The following CEP85L variants were observed in gnomAD, a reference collection of about 807,000 sequenced individuals.
CEP85L encodes the protein centrosomal protein 85L, also known as centrosomal protein of 85 kDa-like.
In CEP85L, 60 loss-of-function variants were observed where a neutral mutation model predicts 100.3. That is an observed-to-expected ratio of 0.60 (90% CI 0.49 to 0.74). The LOEUF (loss-of-function observed/expected upper bound fraction) is 0.74, where lower values mean the gene tolerates loss of function less well. CEP85L is among the 30% of genes least tolerant of loss of function. CEP85L has a pLI of 0.00. For synonymous variants in CEP85L, 319 were observed against 322.7 expected (o/e 0.99, Z 0.12); for missense variants, 973 against 936.2 (o/e 1.04, Z -0.51).
intron 1 of CEP85L, among the ~76,000 whole-genome samples, chr6:118,644,128 T>C (rs1475107628): frequency 1.3e-5 from 2 of 152,194 alleles, no homozygotes; most frequent in Non-Finnish European, 2.9e-5. Context: ...TATTTTTAAG[T>C]ATCTCACTGA....
intron 1 of CEP85L, among the ~76,000 whole-genome samples, chr6:118,660,849 CACTT>C (rs767710256): frequency 3.3e-5 from 5 of 151,958 alleles, no homozygotes; most frequent in Non-Finnish European, 7.4e-5. Context: ...AGGAGACTGT[CACTT>C]AATGTGAAAG....
At chr6:118,681,384 G>C (rs773185060) in intron 1 of CEP85L, among the ~76,000 whole-genome samples, 27 of 152,190 alleles carry the variant, frequency 1.8e-4, no homozygotes, top group Middle Eastern at 3.4e-3. Context: ...ACTAGAGAGA[G>C]AGATGTAATT....
intron 3 of CEP85L, among the ~76,000 whole-genome samples, chr6:118,540,830 C>A (rs1562243553): frequency 6.6e-6 from 1 of 152,214 alleles, no homozygotes; most frequent in South Asian, 2.1e-4. Context: ...AGCCTCATTT[C>A]AGTCAGACCT....
At chr6:118,691,616 G>A (rs1777048537) in intron 1 of CEP85L, among the ~76,000 whole-genome samples, 1 of 150,738 alleles carries the variant, frequency 6.6e-6, no homozygotes, top group Non-Finnish European at 1.5e-5. Context: ...GCAGGCGCCT[G>A]TAATCCCAGC....
At chr6:118,707,981 C>CGG (rs574826062) in intron 1 of CEP85L, among the ~76,000 whole-genome samples, 1 of 29,720 alleles carries the variant, frequency 3.4e-5, no homozygotes, top group African/African-American at 9.1e-5. Context: ...GGGGGGGGGA[C>CGG]GGGGGGGAAA....
In CEP85L at chr6:118,470,524, T is replaced by G. The variant is rs757115287; in HGVS notation, c.2022+13A>C. On this transcript the variant is annotated intron_variant, in intron 11 of 12. Transcript: ENST00000368491. ...TCATCCTTTCAAAGCAAAATTGAAT[T>G]TCTTCTACTCACTTCAAGCAATGCT... 4 of 1,486,108 alleles carry G rather than the reference T, an allele frequency of 2.7e-6. No individual in the cohort carries two copies. Among genetic ancestry groups the G allele is most frequent in the Non-Finnish European group, 3.6e-6 (4 of 1,097,018 alleles). The allele number at this position is 1,486,108 out of a possible 1,614,324, so 92.1% of individuals were successfully genotyped here. A position where few individuals can be genotyped will look rare whatever the true frequency, so the allele number is the denominator to read the frequency against.
At chr6:118,664,163 T>C (rs1776062938) in intron 1 of CEP85L, among the ~76,000 whole-genome samples, 1 of 152,130 alleles carries the variant, frequency 6.6e-6, no homozygotes, top group Non-Finnish European at 1.5e-5. Context: ...CCCAAAGTCC[T>C]GAGATCATGG....
intron 1 of CEP85L, among the ~76,000 whole-genome samples, chr6:118,669,834 T>TA (rs1249467468): frequency 2.0e-5 from 3 of 151,550 alleles, no homozygotes; most frequent in Non-Finnish European, 2.9e-5. Flanking sequence ...AAGTTAGAGT[T>TA]ACAACCATTT....
chr6:118,532,414 T>C (rs968081651), intron 3 of CEP85L, among the ~76,000 whole-genome samples: 1 of 152,150 alleles, frequency 6.6e-6, no homozygotes. Flanking sequence ...TTAGGTGCTA[T>C]GCTTGCTGCC....
intron 1 of CEP85L, among the ~76,000 whole-genome samples, chr6:118,644,949 T>C (rs1445360249): frequency 6.6e-6 from 1 of 152,142 alleles, no homozygotes; most frequent in Non-Finnish European, 1.5e-5. Flanking sequence ...CCCCAATACA[T>C]GGGAACAGTA....
At position 118,497,430 on chromosome 6, in the gene CEP85L, C is replaced by A. The variant is rs76617607; in HGVS notation, c.1258-5565G>T. Among the ~76,000 whole-genome samples, 140 of 152,252 alleles carry A rather than the reference C, an allele frequency of 9.2e-4. No homozygotes were observed. In the East Asian group the frequency reaches 0.025, roughly 27 times the overall value. ...GATGAGACCGTCTAGTTGTGGAAAA[C>A]AAGCTCCGGGCTCCCACTGATTCTA... On this transcript the variant is annotated intron_variant, in intron 5 of 12. Transcript: ENST00000368491.
At chr6:118,581,793 T>C (rs1319323500) in intron 2 of CEP85L, among the ~76,000 whole-genome samples, 1 of 152,140 alleles carries the variant, frequency 6.6e-6, no homozygotes, top group Non-Finnish European at 1.5e-5. Flanking sequence ...TGGGACTCCT[T>C]CAACCCTGAG....
At chr6:118,555,981 T>C (rs907832166) in intron 3 of CEP85L, among the ~76,000 whole-genome samples, 1 of 152,244 alleles carries the variant, frequency 6.6e-6, no homozygotes, top group Non-Finnish European at 1.5e-5. Context: ...AGACATGATA[T>C]CATTCTTTTT....
At chr6:118,466,994 C>T (rs925800054) in intron 12 of CEP85L, among the ~76,000 whole-genome samples, 2 of 151,932 alleles carry the variant, frequency 1.3e-5, no homozygotes, top group African/African-American at 2.4e-5. Flanking sequence ...TGGGCACAGG[C>T]GCCAGATGAA....
intron 3 of CEP85L, among the ~76,000 whole-genome samples, chr6:118,542,816 TA>T (rs1363838211): frequency 1.4e-5 from 2 of 138,154 alleles, no homozygotes. Context: ...GGCTGAGTCT[TA>T]ACAGACCAGA....
intron 3 of CEP85L, among the ~76,000 whole-genome samples, chr6:118,547,794 CACAAGA>C (rs563467771): frequency 2.1e-3 from 315 of 152,096 alleles, no homozygotes; most frequent in African/African-American, 7.3e-3. Flanking sequence ...CTCCCATACA[CACAAGA>C]ACAAGAACAA....
intron 2 of CEP85L, among the ~76,000 whole-genome samples, chr6:118,587,184 G>A (rs1402064333): frequency 1.3e-5 from 2 of 152,166 alleles, no homozygotes; most frequent in Non-Finnish European, 2.9e-5. Context: ...GATTCCCTTT[G>A]TTGGCTTTAC....
intron 1 of CEP85L, among the ~76,000 whole-genome samples, chr6:118,665,034 C>A (rs1032130607): frequency 3.3e-5 from 5 of 152,138 alleles, no homozygotes; most frequent in African/African-American, 1.2e-4. Flanking sequence ...CCTCCAGAAA[C>A]GTAGCCCTAG....
At chr6:118,626,254 TTA>T (rs760806449) in intron 2 of CEP85L, among the ~76,000 whole-genome samples, 15 of 152,220 alleles carry the variant, frequency 9.9e-5, no homozygotes, top group Non-Finnish European at 2.1e-4. Context: ...CAGGATTTGC[TTA>T]TATGTTTTCT....
Sources: gnomAD v4.1 joint callset for allele counts (sites outside exome capture counted in the v4.1 genomes callset) on GRCh38, gnomAD v4.1.1 for gene constraint, MANE v1.5 for transcripts, NCBI Gene and HGNC (gene_info 2026-07-23, HGNC 2026-07-21) for gene names.